REST: variants seen among roughly 807,000 people sequenced by gnomAD.
REST encodes RE1 silencing transcription factor, also known as RE1-silencing transcription factor.
Under a neutral mutation model 30.4 loss-of-function variants are expected in REST, and 1 was observed. The ratio of observed to expected loss-of-function variants is 0.03; its 90% CI spans 0.01 to 0.16. The LOEUF is 0.16. Ranked by LOEUF, REST falls within the 10% of genes least tolerant of loss-of-function variation. The pLI, the probability that REST is intolerant of heterozygous loss-of-function variation, is 1.00. For synonymous variants in REST, 504 were observed against 451.1 expected (o/e 1.12, Z -1.49); for missense variants, 1,259 against 1,329.5 (o/e 0.95, Z 0.82).
At chr4:56,929,685 A>G in intron 3 of REST, 156 bp from the exon 4 acceptor site, 1 of 594,922 alleles carries the variant, frequency 1.7e-6, no homozygotes, top group Non-Finnish European at 2.7e-6. Context: ...GTCAAGGGAT[A>G]GAGAAATGTT....
At chr4:56,923,426 C>T (rs1032099156) in intron 3 of REST, among the ~76,000 whole-genome samples, 1 of 152,154 alleles carries the variant, frequency 6.6e-6, no homozygotes, top group African/African-American at 2.4e-5. Flanking sequence ...TGCCACCACT[C>T]CAGCTAATTG....
At position 56,930,543 on chromosome 4, in the gene REST, A is replaced by G; in HGVS notation, c.1685A>G (p.Asp562Gly). ...AATAGTCAGGAAGTGCCAAAGGGTG[A>G]CAGCAAAGTGGAGGAGAATAAAAAG... is the stretch of plus-strand genomic sequence containing the variant. The part of the protein sequence containing the change: ...KNNSQEVPKG[D>G]SKVEENKKQN... Residue 562 changes from aspartate (D) to glycine (G), a missense_variant, in exon 4 of 4, where the codon GAC becomes GGC. Around this residue, in one of 5 missense-constraint regions of REST, gnomAD observed 856 missense variants for 772.8 expected, o/e 1.11. Coordinates refer to ENST00000309042, the MANE Select transcript of REST (RefSeq NM_005612.5). The G allele has an allele frequency of 6.2e-7, 1 of 1,611,524 alleles. No homozygotes were observed. The highest frequency in any genetic ancestry group is 8.5e-7 in the Non-Finnish European group (1 of 1,179,420).
At chr4:56,921,862 T>C (rs1386861679) in intron 3 of REST, among the ~76,000 whole-genome samples, 1 of 152,238 alleles carries the variant, frequency 6.6e-6, no homozygotes, top group Non-Finnish European at 1.5e-5. Context: ...TAATTTTAAC[T>C]GTTTCCTTTT....
rs35055952 is a variant in REST at position 56,910,349 on chromosome 4, G to A, written c.-9-281G>A. On this transcript the variant is annotated intron_variant, in intron 1 of 3. Transcript: ENST00000309042. ...ACCAGAACAATTAAAAGTGCTTGAG[G>A]AGGCACCACATGCCAGTGGCTGAAT... 0.067 allele frequency among the ~76,000 whole-genome samples: 10,214 copies of A among 152,258 alleles called. 466 individuals are homozygous for A. The highest frequency in any genetic ancestry group is 0.1 in the South Asian group (505 of 4,828).
intron 3 of REST, among the ~76,000 whole-genome samples, chr4:56,927,955 G>A (rs528733589): frequency 7.9e-4 from 121 of 152,278 alleles, no homozygotes; most frequent in African/African-American, 2.8e-3. Flanking sequence ...CGGACAGAAG[G>A]ATTAAATTTC....
intron 3 of REST, among the ~76,000 whole-genome samples, chr4:56,921,656 C>T (rs1036766210): frequency 3.3e-5 from 5 of 152,176 alleles, no homozygotes; most frequent in African/African-American, 1.2e-4. Flanking sequence ...GTGGTCTGCG[C>T]ATCTTGGCCT....
At chr4:56,914,853 C>G (rs950963299) in intron 2 of REST, among the ~76,000 whole-genome samples, 3 of 151,010 alleles carry the variant, frequency 2.0e-5, no homozygotes, top group African/African-American at 7.3e-5. Context: ...CAAGCCTGGC[C>G]TGGTTTATTT....
chr4:56,915,238 G>GTTT (rs1312410601), intron 2 of REST, among the ~76,000 whole-genome samples: 3 of 85,290 alleles, frequency 3.5e-5, no homozygotes, highest in Non-Finnish European at 6.4e-5. Flanking sequence ...GTGTGTGTGT[G>GTTT]TATTTTTTTT....
chr4:56,935,698 T>C lies in REST; in HGVS notation c.*3546T>C, dbSNP rs570907911. On this transcript the variant is annotated 3_prime_UTR_variant, in exon 4 of 4. Transcript: ENST00000309042. ...TGTAATAGATAAAAATAAACCAGAT[T>C]GCAAATCCTTTTTTAAAATCCTAAA... 150 of 152,354 alleles carry C rather than the reference T, an allele frequency of 9.8e-4. No individual in the cohort carries two copies. The highest frequency in any genetic ancestry group is 2.7e-3 in the African/African-American group (111 of 41,584). 9.4% of individuals were successfully genotyped at this position (152,354 alleles called of 1,614,324 possible). A position where few individuals can be genotyped will look rare whatever the true frequency, so the allele number is the denominator to read the frequency against.
rs776254331 is a variant in REST at position 56,931,587 on chromosome 4, C to T, written c.2729C>T (p.Ala910Val). The T allele has an allele frequency of 3.6e-5, 58 of 1,614,236 alleles. No homozygotes were observed. In the Admixed American group the frequency reaches 9.5e-4, roughly 26 times the overall value. Residue 910 changes from alanine (A) to valine (V), a missense_variant, in exon 4 of 4, where the codon GCT becomes GTT. Physicochemically the swap from Ala to Val is moderately conservative, Grantham distance 64. Coordinates refer to ENST00000309042, the MANE Select transcript of REST (RefSeq NM_005612.5). ...EEADESLPGL[A>V]ANINESTHIS... is the part of the protein sequence containing the mutation. ...GCAGATGAGAGCCTACCTGGTCTTG[C>T]TGCTAATATCAACGAATCTACCCAT...
chr4:56,920,648 G>A (rs916743202), intron 3 of REST, among the ~76,000 whole-genome samples: 1 of 151,916 alleles, frequency 6.6e-6, no homozygotes, highest in African/African-American at 2.4e-5. Flanking sequence ...TGTAATCCCA[G>A]CTGCTCAGTA....
chr4:56,913,774 C>G (rs1241864040), intron 2 of REST, among the ~76,000 whole-genome samples: 1 of 151,998 alleles, frequency 6.6e-6, no homozygotes, highest in East Asian at 1.9e-4. Flanking sequence ...TCAGCCTCCC[C>G]AGTAGCTGGG....
chr4:56,917,050 A>G (rs889019711), intron 2 of REST, among the ~76,000 whole-genome samples: 5 of 152,158 alleles, frequency 3.3e-5, no homozygotes, highest in Non-Finnish European at 5.9e-5. Context: ...GATTACAGCT[A>G]TCTTAGTGGA....
rs1481481731 is a variant in REST at position 56,931,153 on chromosome 4, G to A, written c.2295G>A (p.Leu765=). The part of the protein sequence containing the change: ...VVQKEPVKIE[L]SPPIEVVQKE... ...AGAAGGAACCTGTTAAGATAGAGCT[G>A]TCTCCTCCCATAGAGGTGGTCCAGA... Residue 765 remains leucine, a synonymous_variant, in exon 4 of 4, where the codon CTG becomes CTA. Coordinates refer to ENST00000309042, the MANE Select transcript of REST (RefSeq NM_005612.5). The A allele has an allele frequency of 1.9e-6, 3 of 1,607,984 alleles. No homozygotes were observed. In the East Asian group the frequency reaches 6.7e-5, roughly 36 times the overall value.
chr4:56,923,292 G>A lies in REST; in HGVS notation c.982+3422G>A, dbSNP rs868582983. Among the ~76,000 whole-genome samples the A allele has an allele frequency of 2.0e-5, 3 of 152,180 alleles. No homozygotes were observed. The East Asian group carries it at 5.8e-4, about 29-fold the overall frequency. ...TAATTTTGTTGTTGTTGTTTTTGGA[G>A]TTGGGGACTCTGCTGCGCAGGCTGG... On this transcript the variant is annotated intron_variant, in intron 3 of 3. Transcript: ENST00000309042.
rs1400922393 is a variant in REST at position 56,911,414 on chromosome 4, G to A, written c.776G>A (p.Ser259Asn). The change falls in exon 2 of 4, where the codon AGC (serine) becomes AAC (asparagine). Residue 259 changes from serine (S) to asparagine (N), a missense_variant. Transcript: ENST00000309042. ...KCIICTYTTV[S>N]EYHWRKHLRN... is the part of the protein sequence containing the mutation. The stretch of plus-strand genomic sequence containing the variant: ...ATCATTTGCACATACACAACAGTGA[G>A]CGAGTATCACTGGAGGAAACATTTA... The A allele has an allele frequency of 6.2e-7, 1 of 1,614,040 alleles. No individual in the cohort carries two copies. The highest frequency in any genetic ancestry group is 1.3e-5 in the African/African-American group (1 of 74,922).
At chr4:56,919,973 A>C (rs1720373055) in intron 3 of REST, 103 bp downstream of exon 3, 1 of 491,874 alleles carries the variant, frequency 2.0e-6, no homozygotes, top group African/African-American at 2.0e-5. Flanking sequence ...ATTTATTTTT[A>C]ATATAATTTA....
chr4:56,909,929 A>G (rs1452560197), intron 1 of REST, among the ~76,000 whole-genome samples: 1 of 152,258 alleles, frequency 6.6e-6, no homozygotes, highest in Non-Finnish European at 1.5e-5. Flanking sequence ...CTGCAGAAAA[A>G]TAAGCTTATT....
At chr4:56,913,259 A>G (rs1364816526) in intron 2 of REST, among the ~76,000 whole-genome samples, 2 of 152,156 alleles carry the variant, frequency 1.3e-5, no homozygotes, top group African/African-American at 4.8e-5. Flanking sequence ...TCCTGGGTTC[A>G]GGCAGTCCTC....
Sources: gnomAD v4.1 joint callset for allele counts (sites outside exome capture counted in the v4.1 genomes callset) on GRCh38, gnomAD v4.1.1 for gene constraint, gnomAD v4.1.1 regional missense constraint, MANE v1.5 for transcripts, NCBI Gene and HGNC (gene_info 2026-07-23, HGNC 2026-07-21) for gene names.